The following CEP112 variants were observed in gnomAD, a reference collection of about 807,000 sequenced individuals.
CEP112 encodes centrosomal protein 112.
A neutral mutation model predicts 153.0 loss-of-function variants in CEP112; 127 were observed. The observed-to-expected ratio is 0.83, with a 90% confidence interval of 0.72 to 0.96. The LOEUF (loss-of-function observed/expected upper bound fraction) is 0.96. Among genes scored for constraint, CEP112 ranks in the 40% least tolerant of loss-of-function variants. The probability of loss-of-function intolerance (pLI) is 0.00; values close to 1 mark genes in which losing one functional copy is unlikely to be tolerated. For missense variants in CEP112, 1,089 were observed against 1,101.2 expected, an observed-to-expected ratio of 0.99 and a Z score of 0.16; for synonymous variants, 358 against 374.4, an observed-to-expected ratio of 0.96 and a Z score of 0.51.
intron 18 of CEP112, among the ~76,000 whole-genome samples, chr17:65,950,502 T>A (rs1193203844): frequency 1.3e-5 from 2 of 152,122 alleles, no homozygotes; most frequent in Admixed American, 1.3e-4. Context: ...ATGAATTAAA[T>A]GGCTTTCTTA....
At chr17:66,081,877 T>G (rs1340721681) in intron 8 of CEP112, among the ~76,000 whole-genome samples, 2 of 152,084 alleles carry the variant, frequency 1.3e-5, no homozygotes, top group African/African-American at 4.8e-5. Flanking sequence ...ATTGCGCCAC[T>G]GCATTCCAGC....
At chr17:65,778,094 G>C (rs2053787561) in intron 21 of CEP112, among the ~76,000 whole-genome samples, 1 of 152,138 alleles carries the variant, frequency 6.6e-6, no homozygotes. Flanking sequence ...TGCTTACCAA[G>C]TCCACAGTCC....
intron 20 of CEP112, among the ~76,000 whole-genome samples, chr17:65,853,556 C>T (rs2058035164): frequency 6.6e-6 from 1 of 151,986 alleles, no homozygotes; most frequent in Admixed American, 6.6e-5. Context: ...TGGTGAAACC[C>T]CGTCTCTACT....
intron 25 of CEP112, among the ~76,000 whole-genome samples, chr17:65,638,612 T>C (rs564767316): frequency 1.0e-3 from 154 of 152,332 alleles, no homozygotes; most frequent in Non-Finnish European, 4.7e-4. Context: ...ATTGATAATT[T>C]TGACAGATGC....
chr17:65,961,168 A>T (rs2062185360), intron 18 of CEP112, among the ~76,000 whole-genome samples: 1 of 152,208 alleles, frequency 6.6e-6, no homozygotes, highest in Non-Finnish European at 1.5e-5. Flanking sequence ...TGCTCTAAAG[A>T]AACTGATCAG....
At chr17:66,058,774 C>T (rs1049788684) in intron 11 of CEP112, among the ~76,000 whole-genome samples, 11 of 152,128 alleles carry the variant, frequency 7.2e-5, no homozygotes, top group Non-Finnish European at 1.2e-4. Flanking sequence ...ATCACTTGAG[C>T]CCAGGAGCTC....
intron 23 of CEP112, among the ~76,000 whole-genome samples, chr17:65,722,035 TA>T (rs1212480648): frequency 6.6e-6 from 1 of 152,192 alleles, no homozygotes; most frequent in Non-Finnish European, 1.5e-5. Flanking sequence ...ACATATATTT[TA>T]AAGTAAAAGT....
At chr17:65,950,503 G>A (rs1479778992) in intron 18 of CEP112, among the ~76,000 whole-genome samples, 1 of 151,788 alleles carries the variant, frequency 6.6e-6, no homozygotes, top group Non-Finnish European at 1.5e-5. Flanking sequence ...TGAATTAAAT[G>A]GCTTTCTTAA....
At chr17:65,971,621 A>T (rs2062829330) in intron 17 of CEP112, among the ~76,000 whole-genome samples, 1 of 152,090 alleles carries the variant, frequency 6.6e-6, no homozygotes, top group Non-Finnish European at 1.5e-5. Flanking sequence ...TTATATGTAT[A>T]TCCCATGCAT....
At chr17:66,029,776 G>T in intron 13 of CEP112, 93 bp downstream of exon 13, 1 of 1,045,004 alleles carries the variant, frequency 9.6e-7, no homozygotes, top group Non-Finnish European at 1.4e-6. Flanking sequence ...AAGGCTAAAC[G>T]CACAAGGTGT....
intron 21 of CEP112, among the ~76,000 whole-genome samples, chr17:65,751,865 G>A (rs2051874002): frequency 6.6e-6 from 1 of 152,156 alleles, no homozygotes; most frequent in African/African-American, 2.4e-5. Context: ...AGGAAGTGAT[G>A]AAGCCAGGAC....
intron 24 of CEP112, among the ~76,000 whole-genome samples, chr17:65,663,898 T>C (rs1380448818): frequency 6.6e-6 from 1 of 152,000 alleles, no homozygotes; most frequent in Non-Finnish European, 1.5e-5. Flanking sequence ...TACAAAAACT[T>C]AGCCAGGCGT....
chr17:66,153,041 A>G (rs970177593), intron 4 of CEP112, among the ~76,000 whole-genome samples: 1 of 152,234 alleles, frequency 6.6e-6, no homozygotes, highest in Non-Finnish European at 1.5e-5. Flanking sequence ...CCAAGAGTTG[A>G]TGAGGACGTG....
chr17:66,112,010 G>T (rs1300303530), intron 6 of CEP112, among the ~76,000 whole-genome samples: 1 of 152,098 alleles, frequency 6.6e-6, no homozygotes, highest in Non-Finnish European at 1.5e-5. Flanking sequence ...CAATGAAAAG[G>T]CCGGGTGCGG....
intron 21 of CEP112, among the ~76,000 whole-genome samples, chr17:65,805,476 A>G (rs1161627585): frequency 1.3e-5 from 2 of 152,166 alleles, no homozygotes; most frequent in Admixed American, 1.3e-4. Flanking sequence ...TATTGTAGGG[A>G]ATCTTTTATG....
chr17:66,012,734 A>G (rs1848698633), intron 16 of CEP112, among the ~76,000 whole-genome samples: 1 of 152,148 alleles, frequency 6.6e-6, no homozygotes, highest in Admixed American at 6.5e-5. Context: ...AGTACTTTGC[A>G]AAGGTTCTCT....
intron 20 of CEP112, among the ~76,000 whole-genome samples, chr17:65,895,526 A>G (rs954887780): frequency 6.6e-6 from 1 of 152,140 alleles, no homozygotes; most frequent in Non-Finnish European, 1.5e-5. Context: ...TGCTATGAGA[A>G]GCTCAGCAGG....
chr17:65,752,688 G>C (rs2051959930), intron 21 of CEP112, among the ~76,000 whole-genome samples: 1 of 152,082 alleles, frequency 6.6e-6, no homozygotes, highest in African/African-American at 2.4e-5. Context: ...TCCAATTCCT[G>C]AACCTTCCCA....
At chr17:65,881,040 C>T (rs1598869552) in intron 20 of CEP112, among the ~76,000 whole-genome samples, 2 of 152,120 alleles carry the variant, frequency 1.3e-5, no homozygotes, top group African/African-American at 4.8e-5. Flanking sequence ...CGCAGTGAAA[C>T]CCTGTCTCTA....
Sources: gnomAD v4.1 joint callset for allele counts (sites outside exome capture counted in the v4.1 genomes callset) on GRCh38, gnomAD v4.1.1 for gene constraint, MANE v1.5 for transcripts, NCBI Gene and HGNC (gene_info 2026-07-23, HGNC 2026-07-21) for gene names.